PRKCA: variants seen among roughly 807,000 people sequenced by gnomAD.
PRKCA encodes protein kinase C alpha, also known as protein kinase C alpha type.
Under a neutral mutation model 87.0 loss-of-function variants are expected in PRKCA, and 27 were observed. The observed-to-expected ratio is 0.31, with a 90% CI of 0.23 to 0.43. PRKCA has a LOEUF of 0.43. PRKCA is among the 20% of genes least tolerant of loss of function. PRKCA has a pLI of 1.00. For synonymous variants in PRKCA, 329 were observed against 311.1 expected, an observed-to-expected ratio of 1.06 and a Z score of -0.61; for missense variants, 518 against 852.3, an observed-to-expected ratio of 0.61 and a Z score of 4.88.
chr17:66,681,602 C>T (rs141046157), intron 5 of PRKCA, among the ~76,000 whole-genome samples: 1 of 152,308 alleles, frequency 6.6e-6, no homozygotes, highest in Non-Finnish European at 1.5e-5. Context: ...CACAGCAACC[C>T]TATGGGTTCG....
chr17:66,633,360 C>A (rs1164944102), intron 3 of PRKCA, among the ~76,000 whole-genome samples: 1 of 152,030 alleles, frequency 6.6e-6, no homozygotes, highest in African/African-American at 2.4e-5. Flanking sequence ...AATTTAAGAT[C>A]GCAGTAATGT....
At chr17:66,405,703 C>T (rs1303964535) in intron 2 of PRKCA, among the ~76,000 whole-genome samples, 3 of 152,158 alleles carry the variant, frequency 2.0e-5, no homozygotes, top group Non-Finnish European at 4.4e-5. Context: ...TCATTCAATC[C>T]CTATTCCTTT....
intron 2 of PRKCA, among the ~76,000 whole-genome samples, chr17:66,323,321 T>C (rs1391156465): frequency 6.6e-6 from 1 of 152,230 alleles, no homozygotes; most frequent in African/African-American, 2.4e-5. Context: ...ATCTGGGTTA[T>C]TTAGTTTTTA....
chr17:66,623,510 C>T (rs572370226), intron 3 of PRKCA, among the ~76,000 whole-genome samples: 22 of 152,278 alleles, frequency 1.4e-4, no homozygotes, highest in African/African-American at 5.3e-4. Flanking sequence ...CTCTGATCTC[C>T]AAGAGTGTGC....
intron 2 of PRKCA, among the ~76,000 whole-genome samples, chr17:66,432,332 A>G (rs1461114022): frequency 6.6e-6 from 1 of 152,116 alleles, no homozygotes; most frequent in Non-Finnish European, 1.5e-5. Context: ...CTGAGCTGTC[A>G]TTGATTCTTA....
intron 2 of PRKCA, among the ~76,000 whole-genome samples, chr17:66,414,012 CAAA>C (rs5821528): frequency 3.5e-4 from 41 of 118,264 alleles, no homozygotes; most frequent in Non-Finnish European, 3.6e-4. Flanking sequence ...GACTGCATCT[CAAA>C]AAAAAAAAAA....
intron 3 of PRKCA, among the ~76,000 whole-genome samples, chr17:66,509,178 A>G (rs79797909): frequency 0.014 from 2,032 of 147,162 alleles, 39 homozygotes; most frequent in African/African-American, 0.047. Context: ...GTGTGTGTGT[A>G]TGTGTGTGTG....
At chr17:66,532,521 A>G (rs969655997) in intron 3 of PRKCA, among the ~76,000 whole-genome samples, 3 of 151,812 alleles carry the variant, frequency 2.0e-5, no homozygotes, top group Non-Finnish European at 2.9e-5. Context: ...ATGCACCACC[A>G]TGCCCGACTA....
chr17:66,640,311 TA>T (rs1327549989), intron 3 of PRKCA, among the ~76,000 whole-genome samples: 1 of 152,202 alleles, frequency 6.6e-6, no homozygotes, highest in Non-Finnish European at 1.5e-5. Flanking sequence ...TGGTCTTCTG[TA>T]TATCATTTTT....
chr17:66,754,702 C>T (rs1346675126), intron 13 of PRKCA, among the ~76,000 whole-genome samples: 2 of 151,988 alleles, frequency 1.3e-5, no homozygotes, highest in African/African-American at 2.4e-5. Flanking sequence ...CTGGGCATGG[C>T]GCTGGAGAGG....
In PRKCA at chr17:66,803,992, T is replaced by C; in HGVS notation, c.1974T>C (p.Tyr658=). 6.2e-7 allele frequency: 1 copy of C among 1,613,964 alleles called. No homozygotes were observed. Among genetic ancestry groups the C allele is most frequent in the South Asian group, 1.1e-5 (1 of 91,084 alleles). Residue 658 remains tyrosine, a synonymous_variant, in exon 17 of 17, where the codon TAT becomes TAC. Transcript: ENST00000413366. This position sits in a 1 kb window ranked among gnomAD's most constrained non-coding sequence, Gnocchi z 4.4. ...IDQSDFEGFS[Y]VNPQFVHPIL... The stretch of plus-strand genomic sequence containing the variant: ...AGTCTGATTTTGAAGGGTTCTCGTA[T>C]GTCAACCCCCAGTTTGTGCACCCCA...
intron 16 of PRKCA, among the ~76,000 whole-genome samples, chr17:66,790,270 GA>G (rs781546216): frequency 6.6e-6 from 1 of 152,184 alleles, no homozygotes. Context: ...TTTATTTTTC[GA>G]AGATATTTTT....
chr17:66,629,788 T>A (rs968090049), intron 3 of PRKCA, among the ~76,000 whole-genome samples: 9 of 152,148 alleles, frequency 5.9e-5, no homozygotes, highest in Admixed American at 5.2e-4. Context: ...GGGAGCTTCT[T>A]TGTGGAGATT....
At chr17:66,590,343 C>T (rs1969762410) in intron 3 of PRKCA, among the ~76,000 whole-genome samples, 1 of 152,188 alleles carries the variant, frequency 6.6e-6, no homozygotes, top group Non-Finnish European at 1.5e-5. Flanking sequence ...CACAAAACCT[C>T]TTGCACTTCA....
rs1915447216 is a variant in PRKCA at position 66,474,296 on chromosome 17, T to C, written c.206-21905T>C. The stretch of plus-strand genomic sequence containing the variant: ...GACATTGTCTCTGTTTTCTTGTATA[T>C]GTGCATGCATGAACAAGAGCTTTAA... On this transcript the variant is annotated intron_variant, in intron 2 of 16. Transcript: ENST00000413366. 1.3e-5 allele frequency among the ~76,000 whole-genome samples: 2 copies of C among 152,310 alleles called. 1 individual carries two copies. The highest frequency in any genetic ancestry group is 4.2e-4 in the South Asian group (2 of 4,818).
At chr17:66,336,751 AGTTT>A (rs1280355801) in intron 2 of PRKCA, among the ~76,000 whole-genome samples, 1 of 116,362 alleles carries the variant, frequency 8.6e-6, no homozygotes, top group Non-Finnish European at 1.8e-5. Context: ...CCTGCAAATA[AGTTT>A]GTGTGTGTGT....
intron 2 of PRKCA, among the ~76,000 whole-genome samples, chr17:66,451,623 T>C (rs1914328544): frequency 6.6e-6 from 1 of 152,124 alleles, no homozygotes; most frequent in Non-Finnish European, 1.5e-5. Context: ...ACTTTGATCA[T>C]ATTTGTATTT....
intron 13 of PRKCA, among the ~76,000 whole-genome samples, chr17:66,765,173 G>A (rs981075750): frequency 6.6e-6 from 1 of 151,940 alleles, no homozygotes; most frequent in African/African-American, 2.4e-5. Context: ...CAGCGCTTTG[G>A]GAGGCCGAGG....
At chr17:66,424,120 C>T (rs1912648853) in intron 2 of PRKCA, among the ~76,000 whole-genome samples, 1 of 152,112 alleles carries the variant, frequency 6.6e-6, no homozygotes, top group Admixed American at 6.5e-5. Flanking sequence ...TCATTTCTTT[C>T]CTTAGTCAAA....
Sources: gnomAD v4.1 joint callset for allele counts (sites outside exome capture counted in the v4.1 genomes callset) on GRCh38, gnomAD v4.1.1 for gene constraint, Gnocchi (gnomAD v3.1) non-coding constraint, MANE v1.5 for transcripts, NCBI Gene and HGNC (gene_info 2026-07-23, HGNC 2026-07-21) for gene names.